Variants in PLPP4 observed in about 807,000 individuals in gnomAD.
PLPP4 encodes the protein phospholipid phosphatase 4.
A neutral mutation model predicts 32.2 loss-of-function variants in PLPP4; 20 were observed. The observed-to-expected ratio is 0.62, with a 90% CI of 0.44 to 0.90. PLPP4 has a LOEUF of 0.90. Among genes scored for constraint, PLPP4 ranks in the 40% least tolerant of loss-of-function variants. The probability of loss-of-function intolerance (pLI) is 0.00; values close to 1 mark genes in which losing one functional copy is unlikely to be tolerated. For synonymous variants in PLPP4, 127 were observed against 133.0 expected, an observed-to-expected ratio of 0.95 and a Z score of 0.31; for missense variants, 257 against 353.1, an observed-to-expected ratio of 0.73 and a Z score of 2.18.
chr10:120,556,173 T>C lies in PLPP4; in HGVS notation c.446-18958T>C, dbSNP rs377284486. ...ATTTTAACAAATCAGGATATTTTCCTGTTGTCAGGCTTCTGGTAGCTTTCC... is the reference window on the plus strand; with the variant it reads ...ATTTTAACAAATCAGGATATTTTCCCGTTGTCAGGCTTCTGGTAGCTTTCC... On this transcript the variant is annotated intron_variant, in intron 5 of 6. Transcript: ENST00000398250. Among the ~76,000 whole-genome samples, 84 of 152,358 alleles carry C rather than the reference T, an allele frequency of 5.5e-4. 1 individual carries two copies. Among genetic ancestry groups the C allele is most frequent in the South Asian group, 4.1e-3 (20 of 4,832 alleles).
At chr10:120,531,112 C>T (rs1203132754) in intron 5 of PLPP4, among the ~76,000 whole-genome samples, 1 of 113,192 alleles carries the variant, frequency 8.8e-6, no homozygotes, top group African/African-American at 3.4e-5. Context: ...TTTTTTGAGA[C>T]GGAGTCTTGC....
intron 1 of PLPP4, among the ~76,000 whole-genome samples, chr10:120,480,272 C>T (rs992170163): frequency 1.3e-5 from 2 of 152,114 alleles, no homozygotes; most frequent in Non-Finnish European, 1.5e-5. Flanking sequence ...CTGACTAATC[C>T]AGTAGTTACA....
chr10:120,589,026 A>G (rs1443836464), intron 6 of PLPP4, among the ~76,000 whole-genome samples: 1 of 152,210 alleles, frequency 6.6e-6, no homozygotes, highest in Non-Finnish European at 1.5e-5. Context: ...AGCCTGGGCA[A>G]CAGAGCAAGA....
At chr10:120,576,575 C>T (rs2134058990) in intron 6 of PLPP4, among the ~76,000 whole-genome samples, 1 of 152,200 alleles carries the variant, frequency 6.6e-6, no homozygotes, top group East Asian at 1.9e-4. Context: ...GGAGCTCATG[C>T]TCTGGGTGTC....
At chr10:120,566,472 G>A (rs771008683) in intron 5 of PLPP4, among the ~76,000 whole-genome samples, 3 of 151,894 alleles carry the variant, frequency 2.0e-5, no homozygotes, top group Admixed American at 1.3e-4. Context: ...TCTCCACATA[G>A]CACAAAGATG....
At chr10:120,498,812 C>A (rs1449534453) in intron 1 of PLPP4, among the ~76,000 whole-genome samples, 2 of 152,084 alleles carry the variant, frequency 1.3e-5, no homozygotes, top group Non-Finnish European at 2.9e-5. Flanking sequence ...AGGCACGCAC[C>A]ACCACACCCA....
At position 120,521,058 on chromosome 10, in the gene PLPP4, C is replaced by A. The variant is rs568090102; in HGVS notation, c.408C>A (p.Ser136=). ...GCACAGGTGACCCCGATCTGGTGTC[C>A]GAGGGCCGCAAAAGCTTCCCCAGCA... ...MHCTGDPDLV[S]EGRKSFPSIH... is the part of the protein sequence containing the mutation. The change falls in exon 5 of 7, where the codon TCC becomes TCA. Residue 136 remains serine, a synonymous_variant. Transcript: ENST00000398250. 3.7e-6 allele frequency: 6 copies of A among 1,613,930 alleles called. No homozygotes were observed. Among genetic ancestry groups the A allele is most frequent in the Non-Finnish European group, 5.1e-6 (6 of 1,180,006 alleles).
chr10:120,585,876 C>G (rs1187256099), intron 6 of PLPP4, among the ~76,000 whole-genome samples: 1 of 152,148 alleles, frequency 6.6e-6, no homozygotes, highest in African/African-American at 2.4e-5. Context: ...GTCCTCCAAT[C>G]CCCCCGCTAC....
chr10:120,478,774 A>G (rs572569765), intron 1 of PLPP4, among the ~76,000 whole-genome samples: 1 of 152,364 alleles, frequency 6.6e-6, no homozygotes, highest in South Asian at 2.1e-4. Context: ...AACACACTCC[A>G]TTAAATGAAA....
intron 1 of PLPP4, among the ~76,000 whole-genome samples, chr10:120,462,832 C>T (rs888082778): frequency 2.0e-5 from 3 of 151,992 alleles, no homozygotes; most frequent in East Asian, 1.9e-4. Flanking sequence ...ATGGCAGCAC[C>T]GCAGGGTGGA....
chr10:120,486,256 A>G (rs906400149), intron 1 of PLPP4, among the ~76,000 whole-genome samples: 1 of 149,028 alleles, frequency 6.7e-6, no homozygotes, highest in Non-Finnish European at 1.5e-5. Context: ...CTCCCATTTC[A>G]TTTAAGTTTT....
intron 5 of PLPP4, among the ~76,000 whole-genome samples, chr10:120,559,572 C>T (rs1457372134): frequency 6.6e-6 from 1 of 151,840 alleles, no homozygotes; most frequent in African/African-American, 2.4e-5. Context: ...GTACAGTTGA[C>T]CCTTGAACAA....
intron 6 of PLPP4, among the ~76,000 whole-genome samples, chr10:120,577,115 T>C (rs1849259313): frequency 6.6e-6 from 1 of 152,332 alleles, no homozygotes; most frequent in South Asian, 2.1e-4. Flanking sequence ...AGTGGTATCA[T>C]TGTTGCTTAG....
At chr10:120,586,074 AT>A (rs1479977345) in intron 6 of PLPP4, among the ~76,000 whole-genome samples, 1 of 151,406 alleles carries the variant, frequency 6.6e-6, no homozygotes, top group Non-Finnish European at 1.5e-5. Context: ...TCTAACTGAT[AT>A]TTTATCTGAA....
intron 5 of PLPP4, among the ~76,000 whole-genome samples, chr10:120,530,616 T>C (rs1461275080): frequency 6.6e-6 from 1 of 152,246 alleles, no homozygotes; most frequent in Non-Finnish European, 1.5e-5. Flanking sequence ...GCCCTGAACA[T>C]TTGTGTGCAA....
At chr10:120,542,964 ATG>A (rs1213656895) in intron 5 of PLPP4, among the ~76,000 whole-genome samples, 2 of 152,206 alleles carry the variant, frequency 1.3e-5, no homozygotes, top group Non-Finnish European at 2.9e-5. Context: ...GCTCCAAGAA[ATG>A]TGTCATAGGG....
intron 1 of PLPP4, among the ~76,000 whole-genome samples, chr10:120,458,543 T>G (rs892035231): frequency 4.6e-5 from 7 of 152,244 alleles, no homozygotes; most frequent in African/African-American, 1.7e-4. Context: ...TGCCCTTTCT[T>G]GCATGTTTTT....
intron 1 of PLPP4, among the ~76,000 whole-genome samples, chr10:120,502,379 A>T (rs1372082443): frequency 6.6e-6 from 1 of 152,176 alleles, no homozygotes; most frequent in Non-Finnish European, 1.5e-5. Flanking sequence ...AGAGACAGGG[A>T]GAGAGACACA....
intron 5 of PLPP4, among the ~76,000 whole-genome samples, chr10:120,534,238 T>A (rs892002322): frequency 6.6e-6 from 1 of 152,102 alleles, no homozygotes; most frequent in African/African-American, 2.4e-5. Flanking sequence ...TTGTCTTGAT[T>A]GACTTTTTTT....
Sources: allele counts gnomAD v4.1 joint callset (sites outside exome capture counted in the v4.1 genomes callset), GRCh38; gene constraint gnomAD v4.1.1; transcripts MANE v1.5; gene names NCBI Gene and HGNC (gene_info 2026-07-23, HGNC 2026-07-21).